The following RBFOX1 variants were observed in gnomAD, a reference collection of about 807,000 sequenced individuals.
RBFOX1 encodes the protein RNA binding fox-1 homolog 1.
Under a neutral mutation model 57.7 loss-of-function variants are expected in RBFOX1, and 8 were observed. That is an observed-to-expected ratio of 0.14 (90% CI 0.08 to 0.25). The LOEUF is 0.25. RBFOX1 is among the 10% of genes least tolerant of loss of function. The pLI is 1.00. For missense variants in RBFOX1, 611 were observed against 548.5 expected (o/e 1.11, Z -1.14); for synonymous variants, 326 against 222.4 (o/e 1.47, Z -4.15).
intron 1 of RBFOX1, among the ~76,000 whole-genome samples, chr16:6,148,973 G>C (rs949628497): frequency 3.9e-5 from 6 of 152,060 alleles, no homozygotes; most frequent in Non-Finnish European, 7.4e-5. Context: ...AGAAAAAAAA[G>C]AAAAGGGGGC....
intron 4 of RBFOX1, among the ~76,000 whole-genome samples, chr16:7,466,890 A>G (rs138698150): frequency 6.6e-6 from 1 of 152,296 alleles, no homozygotes; most frequent in African/African-American, 2.4e-5. Context: ...AATGACCAGG[A>G]ATGGTCTCTA....
chr16:5,744,848 C>T (rs1161280879), intron 3 of RBFOX1, among the ~76,000 whole-genome samples: 1 of 152,156 alleles, frequency 6.6e-6, no homozygotes, highest in Non-Finnish European at 1.5e-5. Context: ...ACTTCTGCCT[C>T]CCGGGTTCAA....
rs192142375 is a variant in RBFOX1, at chr16:6,612,844, T to C, written c.-63-41759T>C. On this transcript the variant is annotated intron_variant, in intron 2 of 15. Transcript: ENST00000550418. The stretch of plus-strand genomic sequence containing the variant: ...TCCAGCCTGGGAGACAGTGAGACTC[T>C]CTCTCAAAAAAAAAAAAAAAATAAT... Among the ~76,000 whole-genome samples the C allele has an allele frequency of 3.8e-3, 290 of 76,682 alleles. 2 individuals are homozygous for C. The highest frequency in any genetic ancestry group is 0.014 in the African/African-American group (256 of 18,786). 50.3% of individuals were successfully genotyped at this position (76,682 alleles called of 152,430 possible). A position where few individuals can be genotyped will look rare whatever the true frequency, so the allele number is the denominator to read the frequency against.
intron 3 of RBFOX1, among the ~76,000 whole-genome samples, chr16:6,767,947 TAAGAAGAAGAAGAAGAAG>T (rs71145291): frequency 5.9e-5 from 6 of 101,048 alleles, no homozygotes; most frequent in East Asian, 3.0e-4. Flanking sequence ...ATAATAATAA[TAAGAAGAAGAAGAAGAAG>T]AAGAAGAAGA....
chr16:5,284,609 A>G (rs1290481308), intron 1 of RBFOX1, among the ~76,000 whole-genome samples: 1 of 148,076 alleles, frequency 6.8e-6, no homozygotes, highest in South Asian at 2.1e-4. Flanking sequence ...TGGCATGATC[A>G]TAGCTCACTG....
At chr16:5,912,620 C>A (rs2058627550) in intron 4 of RBFOX1, among the ~76,000 whole-genome samples, 1 of 152,200 alleles carries the variant, frequency 6.6e-6, no homozygotes, top group Admixed American at 6.5e-5. Context: ...AAACACCAGC[C>A]ACAACCCAGA....
intron 3 of RBFOX1, among the ~76,000 whole-genome samples, chr16:6,861,326 A>G (rs1034392038): frequency 1.3e-5 from 2 of 152,122 alleles, no homozygotes; most frequent in Non-Finnish European, 2.9e-5. Context: ...TGTCTTGGTA[A>G]GATTGTTAAG....
At chr16:6,570,273 C>G (rs2097326942) in intron 2 of RBFOX1, among the ~76,000 whole-genome samples, 1 of 152,124 alleles carries the variant, frequency 6.6e-6, no homozygotes, top group Non-Finnish European at 1.5e-5. Context: ...GTAAGATACT[C>G]TTTTGTTTTG....
chr16:6,072,701 A>G (rs1302641268), intron 1 of RBFOX1, among the ~76,000 whole-genome samples: 1 of 151,220 alleles, frequency 6.6e-6, no homozygotes, highest in Non-Finnish European at 1.5e-5. Flanking sequence ...TTTGATTTGC[A>G]TTTCCCTATG....
chr16:5,474,726 A>G (rs2151629216), intron 2 of RBFOX1, among the ~76,000 whole-genome samples: 1 of 151,680 alleles, frequency 6.6e-6, no homozygotes, highest in African/African-American at 2.4e-5. Flanking sequence ...TTTATTTTAT[A>G]AGCATGGGGT....
chr16:6,509,116 T>C (rs982675356), intron 2 of RBFOX1, among the ~76,000 whole-genome samples: 1 of 152,220 alleles, frequency 6.6e-6, no homozygotes, highest in African/African-American at 2.4e-5. Flanking sequence ...CCAGATTTTG[T>C]TGTGCTTTCT....
At chr16:5,563,362 C>T (rs924012935) in intron 2 of RBFOX1, among the ~76,000 whole-genome samples, 4 of 152,168 alleles carry the variant, frequency 2.6e-5, no homozygotes, top group Admixed American at 6.5e-5. Flanking sequence ...AAATATAAAG[C>T]GAAGGAGTCA....
chr16:7,686,756 A>G (rs2076150710), intron 14 of RBFOX1, among the ~76,000 whole-genome samples: 1 of 152,082 alleles, frequency 6.6e-6, no homozygotes. Flanking sequence ...ATATGCAACA[A>G]AGCATGGTTT....
chr16:6,534,592 T>G lies in RBFOX1; in HGVS notation c.-63-120011T>G, dbSNP rs138466560. Among the ~76,000 whole-genome samples, 236 of 152,282 alleles carry G rather than the reference T, an allele frequency of 1.5e-3. 4 individuals carry two copies. In the East Asian group the frequency reaches 0.026, roughly 17 times the overall value. On this transcript the variant is annotated intron_variant, in intron 2 of 15. Coordinates refer to ENST00000550418, the MANE Select transcript of RBFOX1 (RefSeq NM_018723.4). ...TAATCACCAAATGTTTAGTAAATAT[T>G]GATACCCGGGTGATTTACACTAATC... is the stretch of plus-strand genomic sequence containing the variant.
At chr16:6,826,186 G>T (rs1180990218) in intron 3 of RBFOX1, among the ~76,000 whole-genome samples, 1 of 152,094 alleles carries the variant, frequency 6.6e-6, no homozygotes, top group Non-Finnish European at 1.5e-5. Context: ...CGCCACGTAG[G>T]TTGTATGTAT....
chr16:5,943,048 T>G (rs960921428), intron 4 of RBFOX1, among the ~76,000 whole-genome samples: 3 of 152,146 alleles, frequency 2.0e-5, no homozygotes, highest in Non-Finnish European at 4.4e-5. Flanking sequence ...GACCCCACTG[T>G]TCTCAAGCCT....
At chr16:5,908,137 C>CATATATACACATAT (rs1567133607) in intron 4 of RBFOX1, among the ~76,000 whole-genome samples, 22 of 131,030 alleles carry the variant, frequency 1.7e-4, no homozygotes, top group Middle Eastern at 3.7e-3. Flanking sequence ...TATATATACA[C>CATATATACACATAT]ATATATACAC....
At position 5,271,144 on chromosome 16, in the gene RBFOX1, T is replaced by C. The variant is rs2062995192; in HGVS notation, c.219+31039T>C. On this transcript the variant is annotated intron_variant, in intron 1 of 2. Coordinates refer to the RBFOX1 transcript ENST00000585867. The stretch of plus-strand genomic sequence containing the variant: ...GTTGCAGTGAGCCAAGATTGCATCA[T>C]TGCACTCCAGCCTGGGCAACAGAGT... Among the ~76,000 whole-genome samples, 10 of 152,058 alleles carry C rather than the reference T, an allele frequency of 6.6e-5. No homozygotes were observed. The South Asian group carries it at 2.1e-3, about 32-fold the overall frequency.
rs115804659 is a variant in RBFOX1, at chr16:7,685,069, G to C, written c.995+8231G>C. ...ACACCATTGGGCTCACCAGGAGCCTGTGAGAATGTAGAATCCCAAACCCCA... is the reference window on the plus strand; with the variant it reads ...ACACCATTGGGCTCACCAGGAGCCTCTGAGAATGTAGAATCCCAAACCCCA... On this transcript the variant is annotated intron_variant, in intron 14 of 15. Coordinates refer to ENST00000550418, the MANE Select transcript of RBFOX1 (RefSeq NM_018723.4). Among the ~76,000 whole-genome samples the C allele has an allele frequency of 4.6e-3, 696 of 152,148 alleles. 6 individuals are homozygous for C. Among genetic ancestry groups the C allele is most frequent in the African/African-American group, 0.015 (639 of 41,532 alleles).
Sources: gnomAD v4.1 joint callset for allele counts (sites outside exome capture counted in the v4.1 genomes callset) on GRCh38, gnomAD v4.1.1 for gene constraint, MANE v1.5 for transcripts, NCBI Gene and HGNC (gene_info 2026-07-23, HGNC 2026-07-21) for gene names.